Variants in RBFOX1 observed in about 807,000 individuals in gnomAD.
RBFOX1 encodes RNA binding protein fox-1 homolog 1.
RBFOX1 carries 8 observed loss-of-function variants against 57.7 expected under a neutral mutation model. That is an observed-to-expected ratio of 0.14 (90% CI 0.08 to 0.25). The LOEUF (loss-of-function observed/expected upper bound fraction) is 0.25, where lower values mean the gene tolerates loss of function less well. Among genes scored for constraint, RBFOX1 ranks in the 10% least tolerant of loss-of-function variants. RBFOX1 has a pLI of 1.00. For synonymous variants in RBFOX1, 326 were observed against 222.4 expected, an observed-to-expected ratio of 1.47 and a Z score of -4.15; for missense variants, 611 against 548.5, an observed-to-expected ratio of 1.11 and a Z score of -1.14.
intron 1 of RBFOX1, among the ~76,000 whole-genome samples, chr16:5,436,470 T>G (rs2067921719): frequency 6.6e-6 from 1 of 152,222 alleles, no homozygotes; most frequent in Non-Finnish European, 1.5e-5. Flanking sequence ...AAGAAGTACT[T>G]CTCTTGCAGA....
At chr16:7,067,111 T>C (rs544696661) in intron 4 of RBFOX1, among the ~76,000 whole-genome samples, 2 of 152,284 alleles carry the variant, frequency 1.3e-5, no homozygotes, top group South Asian at 4.1e-4. Flanking sequence ...GGGGAACTCA[T>C]ATGCCAGCGG....
At chr16:5,291,696 C>G (rs200502092) in intron 1 of RBFOX1, among the ~76,000 whole-genome samples, 617 of 123,418 alleles carry the variant, frequency 5.0e-3, no homozygotes, top group East Asian at 0.012. Context: ...GGGGAAAACA[C>G]AGGCCAGTCA....
intron 3 of RBFOX1, among the ~76,000 whole-genome samples, chr16:6,706,711 CTTTTTT>C (rs33986994): frequency 7.0e-6 from 1 of 142,256 alleles, no homozygotes; most frequent in Admixed American, 7.0e-5. Flanking sequence ...CAGCTGCAGT[CTTTTTT>C]TTTTTTTTTT....
intron 3 of RBFOX1, among the ~76,000 whole-genome samples, chr16:5,611,793 T>TCCAC (rs1277787360): frequency 5.7e-5 from 2 of 35,176 alleles, no homozygotes; most frequent in Non-Finnish European, 1.2e-4. Flanking sequence ...CATCCATCCA[T>TCCAC]CCACCCACCC....
intron 3 of RBFOX1, among the ~76,000 whole-genome samples, chr16:7,027,637 C>T (rs181722205): frequency 2.0e-4 from 30 of 152,242 alleles, no homozygotes; most frequent in Admixed American, 1.6e-3. Flanking sequence ...CCCCCAAGCC[C>T]AACTTTCATT....
chr16:6,073,481 T>G (rs932013980), intron 1 of RBFOX1, among the ~76,000 whole-genome samples: 1 of 152,186 alleles, frequency 6.6e-6, no homozygotes, highest in African/African-American at 2.4e-5. Flanking sequence ...TATTATTTTT[T>G]CCAAGTGTAT....
At chr16:7,364,367 A>G (rs1459344154) in intron 4 of RBFOX1, among the ~76,000 whole-genome samples, 3 of 147,816 alleles carry the variant, frequency 2.0e-5, no homozygotes, top group Non-Finnish European at 4.4e-5. Flanking sequence ...TTTTAAGAGG[A>G]AAAAAAATGA....
intron 3 of RBFOX1, chr16:5,616,053 C>T (rs1486572182): frequency 1.3e-5 from 2 of 152,602 alleles, no homozygotes; most frequent in African/African-American, 2.4e-5. Flanking sequence ...CTCCACTCCC[C>T]TCCCTGCTCC....
intron 3 of RBFOX1, among the ~76,000 whole-genome samples, chr16:6,770,159 G>A (rs1314461441): frequency 6.6e-6 from 1 of 152,180 alleles, no homozygotes; most frequent in Non-Finnish European, 1.5e-5. Context: ...TCAAGTGTCT[G>A]TTATTGTAAA....
At chr16:7,393,615 G>C (rs985019899) in intron 4 of RBFOX1, among the ~76,000 whole-genome samples, 2 of 152,078 alleles carry the variant, frequency 1.3e-5, no homozygotes, top group South Asian at 2.1e-4. Flanking sequence ...AGGAAGGTAT[G>C]GTTTCAGGGG....
chr16:6,911,324 A>C (rs1018608890), intron 3 of RBFOX1, among the ~76,000 whole-genome samples: 3 of 152,002 alleles, frequency 2.0e-5, no homozygotes, highest in Admixed American at 6.6e-5. Flanking sequence ...TTTGCCTTAC[A>C]CTTGTGGAGG....
At chr16:7,418,307 T>C (rs1458548137) in intron 4 of RBFOX1, among the ~76,000 whole-genome samples, 1 of 152,174 alleles carries the variant, frequency 6.6e-6, no homozygotes, top group African/African-American at 2.4e-5. Context: ...TGTTGTCTGT[T>C]TGAGTGGGGG....
At chr16:5,333,385 G>C (rs2064810963) in intron 1 of RBFOX1, among the ~76,000 whole-genome samples, 1 of 152,196 alleles carries the variant, frequency 6.6e-6, no homozygotes, top group Non-Finnish European at 1.5e-5. Flanking sequence ...TGGCAGAGTT[G>C]AGTAATTGAG....
intron 4 of RBFOX1, among the ~76,000 whole-genome samples, chr16:7,173,747 C>T (rs1239179526): frequency 1.3e-5 from 2 of 152,276 alleles, no homozygotes; most frequent in East Asian, 3.9e-4. Context: ...ATAGGCCCAT[C>T]TACAGTTAAG....
intron 4 of RBFOX1, among the ~76,000 whole-genome samples, chr16:7,269,958 A>C (rs1013475737): frequency 5.9e-5 from 9 of 152,234 alleles, no homozygotes; most frequent in Admixed American, 2.0e-4. Context: ...TTGATAGGTA[A>C]AAATTGGTAT....
intron 3 of RBFOX1, among the ~76,000 whole-genome samples, chr16:6,984,546 C>T (rs1313117911): frequency 2.0e-5 from 3 of 152,154 alleles, no homozygotes; most frequent in African/African-American, 7.2e-5. Context: ...AATGGTGCAG[C>T]AGCCCATTGA....
At chr16:5,838,462 C>T (rs890656318) in intron 3 of RBFOX1, 6 of 154,658 alleles carry the variant, frequency 3.9e-5, no homozygotes, top group African/African-American at 1.4e-4. Context: ...ATCATATATC[C>T]TATTCTGGCT....
chr16:7,153,341 G>T (rs2076450124), intron 4 of RBFOX1, among the ~76,000 whole-genome samples: 1 of 152,016 alleles, frequency 6.6e-6, no homozygotes, highest in Admixed American at 6.6e-5. Context: ...GATTTACTCT[G>T]TGGCCAAACT....
chr16:6,466,636 G>C (rs1158289324), intron 2 of RBFOX1, among the ~76,000 whole-genome samples: 1 of 152,152 alleles, frequency 6.6e-6, no homozygotes, highest in African/African-American at 2.4e-5. Context: ...ATGGCAAATA[G>C]AGGGATAAAG....
Sources: allele counts gnomAD v4.1 joint callset (sites outside exome capture counted in the v4.1 genomes callset), GRCh38; gene constraint gnomAD v4.1.1; transcripts MANE v1.5; gene names NCBI Gene and HGNC (gene_info 2026-07-23, HGNC 2026-07-21).